Variants in UBE2E2 observed in about 807,000 individuals in gnomAD.
UBE2E2 encodes ubiquitin-conjugating enzyme E2 E2.
Under a neutral mutation model 24.7 loss-of-function variants are expected in UBE2E2, and 6 were observed. The observed-to-expected ratio is 0.24, with a 90% CI of 0.13 to 0.48. The LOEUF (loss-of-function observed/expected upper bound fraction) is 0.48, where lower values mean the gene tolerates loss of function less well. UBE2E2 is among the 20% of genes least tolerant of loss of function. UBE2E2 has a pLI of 0.99. For synonymous variants in UBE2E2, 104 were observed against 83.6 expected (o/e 1.24, Z -1.33); for missense variants, 169 against 245.0 (o/e 0.69, Z 2.07).
intron 3 of UBE2E2, among the ~76,000 whole-genome samples, chr3:23,245,728 G>A (rs1025151820): frequency 6.6e-6 from 1 of 152,026 alleles, no homozygotes; most frequent in Non-Finnish European, 1.5e-5. Context: ...GTTTTAAAGG[G>A]CACCATCATA....
chr3:23,551,409 CA>C (rs1481714958), intron 5 of UBE2E2, among the ~76,000 whole-genome samples: 1 of 152,128 alleles, frequency 6.6e-6, no homozygotes, highest in East Asian at 1.9e-4. Context: ...TAGTTAAAAC[CA>C]GAATATTAAA....
chr3:23,573,842 C>T (rs1454446521), intron 5 of UBE2E2, among the ~76,000 whole-genome samples: 5 of 152,086 alleles, frequency 3.3e-5, no homozygotes, highest in African/African-American at 1.2e-4. Flanking sequence ...GCTATTAGGT[C>T]AATAAGCTCT....
intron 3 of UBE2E2, among the ~76,000 whole-genome samples, chr3:23,490,206 T>TA (rs1299075424): frequency 3.9e-5 from 6 of 152,230 alleles, no homozygotes; most frequent in African/African-American, 1.4e-4. Context: ...AAAGTCTTTA[T>TA]AATCATAACC....
intron 3 of UBE2E2, among the ~76,000 whole-genome samples, chr3:23,223,518 A>G (rs908499652): frequency 6.6e-6 from 1 of 151,942 alleles, no homozygotes; most frequent in Non-Finnish European, 1.5e-5. Flanking sequence ...TGGATTATAT[A>G]TATATATTTG....
chr3:23,304,559 C>T (rs1272950442), intron 3 of UBE2E2, among the ~76,000 whole-genome samples: 1 of 152,128 alleles, frequency 6.6e-6, no homozygotes, highest in Non-Finnish European at 1.5e-5. Context: ...CAGACCACAG[C>T]TGTTTCTGGA....
intron 3 of UBE2E2, among the ~76,000 whole-genome samples, chr3:23,322,350 C>T (rs931510823): frequency 2.0e-5 from 3 of 152,138 alleles, no homozygotes; most frequent in Non-Finnish European, 4.4e-5. Flanking sequence ...TTAGTGCCTG[C>T]ACTTAATAAT....
intron 5 of UBE2E2, among the ~76,000 whole-genome samples, chr3:23,575,755 G>A (rs989494168): frequency 1.3e-5 from 2 of 152,154 alleles, no homozygotes; most frequent in African/African-American, 4.8e-5. Context: ...CCAGGAATCT[G>A]CCCTCCAGAA....
At chr3:23,262,212 A>C (rs1208458040) in intron 3 of UBE2E2, among the ~76,000 whole-genome samples, 1 of 152,166 alleles carries the variant, frequency 6.6e-6, no homozygotes, top group African/African-American at 2.4e-5. Flanking sequence ...GTAATGTTGA[A>C]CATTTTTTTC....
At chr3:23,492,282 AC>A (rs898059114) in intron 3 of UBE2E2, among the ~76,000 whole-genome samples, 3 of 152,198 alleles carry the variant, frequency 2.0e-5, no homozygotes, top group Non-Finnish European at 4.4e-5. Context: ...GTACTTTCCC[AC>A]AGGAAGGATG....
intron 3 of UBE2E2, among the ~76,000 whole-genome samples, chr3:23,356,306 G>A (rs1047903944): frequency 2.0e-5 from 3 of 152,180 alleles, no homozygotes; most frequent in Admixed American, 6.5e-5. Context: ...AGAGTCACAC[G>A]TAACAAATCT....
rs11442997 is a variant in UBE2E2, at chr3:23,519,843, A to ATT, written c.361-12700_361-12699dup. Among the ~76,000 whole-genome samples the ATT allele has an allele frequency of 3.7e-3, 552 of 148,140 alleles. 4 individuals are homozygous for ATT. The highest frequency in any genetic ancestry group is 2.9e-3 in the Non-Finnish European group (194 of 66,734). On this transcript the variant is annotated intron_variant, in intron 4 of 5. Coordinates refer to ENST00000396703, the MANE Select transcript of UBE2E2 (RefSeq NM_152653.4). ...AGACACATGCCACCATGCCCAGCTA[A>ATT]TTTTTTTTTTTTCATTATTTTGTAG...
chr3:23,559,914 T>G (rs1575706795), intron 5 of UBE2E2, among the ~76,000 whole-genome samples: 2 of 152,268 alleles, frequency 1.3e-5, no homozygotes, highest in East Asian at 3.9e-4. Flanking sequence ...GGACCTAATT[T>G]GCAAGTAAAA....
chr3:23,566,008 A>G (rs1696065272), intron 5 of UBE2E2, among the ~76,000 whole-genome samples: 1 of 152,198 alleles, frequency 6.6e-6, no homozygotes, highest in African/African-American at 2.4e-5. Context: ...AAGCCACTAC[A>G]TATTAATGCG....
chr3:23,328,633 T>G (rs1417275520), intron 3 of UBE2E2, among the ~76,000 whole-genome samples: 3 of 152,002 alleles, frequency 2.0e-5, no homozygotes, highest in East Asian at 3.9e-4. Context: ...GTAGATTCAT[T>G]TAGCTAAAAT....
chr3:23,206,849 T>A (rs1295133712), intron 1 of UBE2E2, among the ~76,000 whole-genome samples: 2 of 152,176 alleles, frequency 1.3e-5, no homozygotes, highest in Admixed American at 1.3e-4. Flanking sequence ...TTAAAAAATT[T>A]TGCTTTATTT....
chr3:23,477,408 G>A (rs1044147250), intron 3 of UBE2E2, among the ~76,000 whole-genome samples: 2 of 152,048 alleles, frequency 1.3e-5, no homozygotes, highest in African/African-American at 2.4e-5. Context: ...ACTACCTTAA[G>A]CCTTGTTTTA....
At chr3:23,537,837 G>C (rs569160499) in intron 5 of UBE2E2, among the ~76,000 whole-genome samples, 1 of 152,272 alleles carries the variant, frequency 6.6e-6, no homozygotes, top group East Asian at 1.9e-4. Flanking sequence ...GATAGTGACT[G>C]CTGGTGGGTG....
intron 3 of UBE2E2, among the ~76,000 whole-genome samples, chr3:23,479,991 A>C (rs998948568): frequency 1.3e-5 from 2 of 152,208 alleles, no homozygotes; most frequent in African/African-American, 4.8e-5. Context: ...CAGAACTGGC[A>C]GCCCAGCCCA....
At chr3:23,582,064 C>T (rs1257924362) in intron 5 of UBE2E2, among the ~76,000 whole-genome samples, 1 of 152,180 alleles carries the variant, frequency 6.6e-6, no homozygotes, top group Non-Finnish European at 1.5e-5. Flanking sequence ...CCACCCTCCA[C>T]CCTCAAGTAG....
Sources: gnomAD v4.1 joint callset for allele counts (sites outside exome capture counted in the v4.1 genomes callset) on GRCh38, gnomAD v4.1.1 for gene constraint, MANE v1.5 for transcripts, NCBI Gene and HGNC (gene_info 2026-07-23, HGNC 2026-07-21) for gene names.